The following CDC25A variants were observed in gnomAD, a reference collection of about 807,000 sequenced individuals.
The protein encoded by CDC25A is M-phase inducer phosphatase 1.
CDC25A carries 17 observed loss-of-function variants against 64.6 expected under a neutral mutation model. That is an observed-to-expected ratio of 0.26 (90% CI 0.18 to 0.39). The LOEUF is 0.39. CDC25A is among the 10% of genes least tolerant of loss of function. CDC25A has a pLI of 1.00. For missense variants in CDC25A, 473 were observed against 654.8 expected, an observed-to-expected ratio of 0.72 and a Z score of 3.03; for synonymous variants, 229 against 238.6, an observed-to-expected ratio of 0.96 and a Z score of 0.37.
chr3:48,164,482 T>G, intron 12 of CDC25A, 45 bp from the exon 13 acceptor site: 1 of 1,442,992 alleles, frequency 6.9e-7, no homozygotes, highest in Non-Finnish European at 9.1e-7. Context: ...GTTTCACACA[T>G]GAAGTAATGA....
intron 2 of CDC25A, among the ~76,000 whole-genome samples, chr3:48,185,422 C>CAAAA (rs35677711): frequency 3.4e-5 from 3 of 89,442 alleles, no homozygotes; most frequent in African/African-American, 1.2e-4. Context: ...GACCCTGTCT[C>CAAAA]AAAAAAAAAA....
chr3:48,184,399 G>C (rs533046248), intron 3 of CDC25A, among the ~76,000 whole-genome samples: 1 of 152,030 alleles, frequency 6.6e-6, no homozygotes, highest in Admixed American at 6.6e-5. Context: ...TTCTTGTAAG[G>C]CTATGATGTC....
intron 13 of CDC25A, chr3:48,161,412 G>T: frequency 6.3e-6 from 1 of 158,428 alleles, no homozygotes. Flanking sequence ...GGAAATGAGA[G>T]ATTAAGAGAA....
chr3:48,167,890 T>C lies in CDC25A; in HGVS notation c.985A>G (p.Ile329Val), dbSNP rs1025516505. The C allele has an allele frequency of 7.4e-6, 12 of 1,611,008 alleles. No individual in the cohort carries two copies. The highest frequency in any genetic ancestry group is 8.5e-6 in the Non-Finnish European group (10 of 1,177,256). ...ASSPKGTIENILDNDPRDLIG... is the reference protein window; with the variant it reads ...ASSPKGTIENVLDNDPRDLIG... ...AGGTCCCTTGGGTCATTGTCCAAAA[T>C]GTTCTCAATGGTTCCTTTGGGGGAA... The change falls in exon 10 of 15, where the codon ATT (isoleucine) becomes GTT (valine). Residue 329 changes from isoleucine to valine, a missense_variant. Ile to Val is a conservative substitution (Grantham distance 29). Coordinates refer to ENST00000302506, the MANE Select transcript of CDC25A (RefSeq NM_001789.3).
rs2031568819 is a variant in CDC25A, at chr3:48,157,516, A to G, written c.*1429T>C. 1 of 152,688 alleles carries G rather than the reference A, an allele frequency of 6.5e-6. No individual in the cohort carries two copies. Among genetic ancestry groups the G allele is most frequent in the African/African-American group, 2.4e-5 (1 of 41,528 alleles). 9.5% of individuals were successfully genotyped at this position (152,688 alleles called of 1,614,324 possible). A position where few individuals can be genotyped will look rare whatever the true frequency, so the allele number is the denominator to read the frequency against. On this transcript the variant is annotated 3_prime_UTR_variant, in exon 15 of 15. Transcript: ENST00000302506. ...TCTCCTGTTTAAGAAAAACCCACCT[A>G]CACCTCAGTGAAGCCGTGATGGTAA...
At position 48,162,297 on chromosome 3, in the gene CDC25A, T is replaced by TGA. The variant is rs1553767748; in HGVS notation, c.1322+2008_1322+2009dup. The stretch of plus-strand genomic sequence containing the variant: ...GTGTGTGTGTGTGTGTGTGTGTGTG[T>TGA]GAGAGAGAGACAGAATCTCACTCTG... On this transcript the variant is annotated intron_variant, in intron 13 of 14. Coordinates refer to ENST00000302506, the MANE Select transcript of CDC25A (RefSeq NM_001789.3). Among the ~76,000 whole-genome samples, 753 of 149,824 alleles carry TGA rather than the reference T, an allele frequency of 5.0e-3. 8 individuals are homozygous for TGA. Among genetic ancestry groups the TGA allele is most frequent in the Middle Eastern group, 0.031 (9 of 290 alleles).
At chr3:48,180,394 AAAAAAAAAG>A in intron 6 of CDC25A, 2 of 181,222 alleles carry the variant, frequency 1.1e-5, no homozygotes, top group East Asian at 2.7e-4. Context: ...GCCCTTAAAA[AAAAAAAAAG>A]AAAAAAAGAA....
At chr3:48,184,347 C>T (rs2032773395) in intron 3 of CDC25A, among the ~76,000 whole-genome samples, 1 of 151,858 alleles carries the variant, frequency 6.6e-6, no homozygotes, top group African/African-American at 2.4e-5. Flanking sequence ...TGAGACTCTG[C>T]CTCAGAAACA....
At position 48,177,947 on chromosome 3, in the gene CDC25A, G is replaced by A. The variant is rs1480857925; in HGVS notation, c.591C>T (p.Phe197=). The change falls in exon 7 of 15, where the codon TTC becomes TTT. Residue 197 remains phenylalanine, a synonymous_variant. Transcript: ENST00000302506. The part of the protein sequence containing the change: ...NERDSSEPGN[F]IPLFTPQSPV... ...GTGACTGGGGTGTAAAAAGAGGAAT[G>A]AAATTCCCTGGTTCACTGCTATCTC... 4.3e-6 allele frequency: 7 copies of A among 1,613,710 alleles called. No individual in the cohort carries two copies. The Admixed American group carries it at 6.7e-5, about 15-fold the overall frequency.
chr3:48,184,766 TAAACAAAG>T lies in CDC25A; in HGVS notation c.248-79_248-72del, dbSNP rs550074483. ...CATTTTGTCATTAAAATTAAAACAC[TAAACAAAG>T]TACCTGGGTCTTTATTTAAGTCAGG... On this transcript the variant is annotated intron_variant, in intron 2 of 14. Transcript: ENST00000302506. 5,018 of 1,106,470 alleles carry T rather than the reference TAAACAAAG, an allele frequency of 4.5e-3. 19 individuals carry two copies. The highest frequency in any genetic ancestry group is 6.0e-3 in the Non-Finnish European group (4,553 of 758,720). The allele number at this position is 1,106,470 out of a possible 1,614,324, so 68.5% of individuals were successfully genotyped here. A position where few individuals can be genotyped will look rare whatever the true frequency, so the allele number is the denominator to read the frequency against.
intron 13 of CDC25A, among the ~76,000 whole-genome samples, chr3:48,159,797 G>A (rs1050653097): frequency 6.6e-6 from 1 of 152,054 alleles, no homozygotes; most frequent in Non-Finnish European, 1.5e-5. Context: ...CTTCAGCCAG[G>A]CTCCCTCACT....
intron 9 of CDC25A, among the ~76,000 whole-genome samples, chr3:48,171,397 T>G (rs2032265101): frequency 6.6e-6 from 1 of 151,302 alleles, no homozygotes; most frequent in Non-Finnish European, 1.5e-5. Context: ...TTTTTTTTTT[T>G]TGAGATGAAA....
chr3:48,162,308 C>A (rs1575258501), intron 13 of CDC25A, among the ~76,000 whole-genome samples: 1 of 144,748 alleles, frequency 6.9e-6, no homozygotes, highest in Non-Finnish European at 1.5e-5. Flanking sequence ...GAGAGAGAGA[C>A]AGAATCTCAC....
At chr3:48,183,132 A>T in intron 4 of CDC25A, 102 bp from the exon 5 acceptor site, 2 of 727,964 alleles carry the variant, frequency 2.7e-6, no homozygotes, top group Non-Finnish European at 4.9e-6. Flanking sequence ...TAGGGGGTAG[A>T]CTAGCTCCTC....
intron 5 of CDC25A, chr3:48,181,769 G>T: frequency 5.4e-6 from 3 of 554,878 alleles, no homozygotes; most frequent in African/African-American, 2.0e-5. Context: ...AAAGTTCTGA[G>T]AGAAATAAAA....
chr3:48,186,295 C>T (rs983995225), intron 2 of CDC25A, among the ~76,000 whole-genome samples: 7 of 152,104 alleles, frequency 4.6e-5, no homozygotes, highest in South Asian at 2.1e-4. Context: ...TATCACCGGG[C>T]GCGGTGGCTC....
In CDC25A at chr3:48,176,809, G is replaced by A. The variant is rs113886657; in HGVS notation, c.756+562C>T. Among the ~76,000 whole-genome samples, 315 of 151,262 alleles carry A rather than the reference G, an allele frequency of 2.1e-3. 3 individuals carry two copies. Among genetic ancestry groups the A allele is most frequent in the African/African-American group, 6.8e-3 (283 of 41,332 alleles). The stretch of plus-strand genomic sequence containing the variant: ...AACATAATGTAACCCCGTCTCTACT[G>A]AAAATACAAAGATTAGCTGGGTGTG... On this transcript the variant is annotated intron_variant, in intron 8 of 14. Coordinates refer to ENST00000302506, the MANE Select transcript of CDC25A (RefSeq NM_001789.3).
intron 8 of CDC25A, among the ~76,000 whole-genome samples, chr3:48,176,816 C>T (rs2032480250): frequency 6.6e-6 from 1 of 151,176 alleles, no homozygotes; most frequent in Non-Finnish European, 1.5e-5. Flanking sequence ...ACTGAAAATA[C>T]AAAGATTAGC....
chr3:48,187,216 T>A (rs2032873697), intron 1 of CDC25A, among the ~76,000 whole-genome samples: 1 of 152,142 alleles, frequency 6.6e-6, no homozygotes, highest in Admixed American at 6.5e-5. Context: ...CATTTTTTGC[T>A]ATCAGGAAAA....
Sources: gnomAD v4.1 joint callset for allele counts (sites outside exome capture counted in the v4.1 genomes callset) on GRCh38, gnomAD v4.1.1 for gene constraint, MANE v1.5 for transcripts, NCBI Gene and HGNC (gene_info 2026-07-23, HGNC 2026-07-21) for gene names.